The following NRG3 variants were observed in gnomAD, a reference collection of about 807,000 sequenced individuals.
NRG3 encodes pro-neuregulin-3, membrane-bound isoform.
A neutral mutation model predicts 66.9 loss-of-function variants in NRG3; 31 were observed. That is an observed-to-expected ratio of 0.46 (90% CI 0.35 to 0.63). The LOEUF is 0.63. Among genes scored for constraint, NRG3 ranks in the 20% least tolerant of loss-of-function variants. The pLI, the probability that NRG3 is intolerant of heterozygous loss-of-function variation, is 0.00. For synonymous variants in NRG3, 393 were observed against 359.4 expected, an observed-to-expected ratio of 1.09 and a Z score of -1.06; for missense variants, 910 against 878.9, an observed-to-expected ratio of 1.04 and a Z score of -0.45.
intron 2 of NRG3, among the ~76,000 whole-genome samples, chr10:82,413,626 G>T (rs2088296736): frequency 6.6e-6 from 1 of 152,026 alleles, no homozygotes; most frequent in African/African-American, 2.4e-5. Flanking sequence ...TAGCTATGAG[G>T]GTTTTAGATG....
At chr10:82,522,255 G>C (rs558881195) in intron 2 of NRG3, among the ~76,000 whole-genome samples, 23 of 152,080 alleles carry the variant, frequency 1.5e-4, no homozygotes, top group African/African-American at 5.1e-4. Context: ...ATGTTGGCCA[G>C]GCTGGTCTTG....
chr10:82,664,656 C>A (rs1235911429), intron 2 of NRG3, among the ~76,000 whole-genome samples: 2 of 151,826 alleles, frequency 1.3e-5, no homozygotes, highest in Non-Finnish European at 2.9e-5. Context: ...CAGGGGGGTC[C>A]ATGAACTCAT....
chr10:82,917,521 C>A (rs1459343803), intron 4 of NRG3, among the ~76,000 whole-genome samples: 3 of 152,150 alleles, frequency 2.0e-5, no homozygotes, highest in Non-Finnish European at 2.9e-5. Flanking sequence ...GGTGGCACAA[C>A]TGTATAACTG....
intron 3 of NRG3, among the ~76,000 whole-genome samples, chr10:82,749,102 T>G (rs1335869151): frequency 6.6e-6 from 1 of 152,088 alleles, no homozygotes; most frequent in Non-Finnish European, 1.5e-5. Context: ...CTTGAGGGCT[T>G]GGAGAGAGGA....
chr10:82,531,231 C>G (rs985966086), intron 2 of NRG3, among the ~76,000 whole-genome samples: 2 of 151,590 alleles, frequency 1.3e-5, no homozygotes, highest in Non-Finnish European at 3.0e-5. Flanking sequence ...CGAGTCCATA[C>G]AGGTTTACAG....
At chr10:82,827,914 A>G (rs1355708681) in intron 3 of NRG3, among the ~76,000 whole-genome samples, 1 of 152,204 alleles carries the variant, frequency 6.6e-6, no homozygotes, top group Non-Finnish European at 1.5e-5. Context: ...AACCACTGTT[A>G]ATATTTCCAT....
At chr10:82,433,882 T>C (rs2089974271) in intron 2 of NRG3, among the ~76,000 whole-genome samples, 1 of 152,234 alleles carries the variant, frequency 6.6e-6, no homozygotes, top group Non-Finnish European at 1.5e-5. Flanking sequence ...TCAGATAGCA[T>C]GATGCCTCCA....
chr10:82,466,349 G>C (rs941042240), intron 2 of NRG3, among the ~76,000 whole-genome samples: 4 of 152,142 alleles, frequency 2.6e-5, no homozygotes, highest in Non-Finnish European at 5.9e-5. Flanking sequence ...AGTAGGGAGA[G>C]GGGATCTCTG....
rs1351274843 is a variant in NRG3, at chr10:82,725,329, T to G, written c.954-13248T>G. Among the ~76,000 whole-genome samples the G allele has an allele frequency of 3.3e-5, 5 of 152,224 alleles. No individual in the cohort carries two copies. The East Asian group carries it at 9.6e-4, about 29-fold the overall frequency. ...CCTAACATTTATAAACAACATTTCT[T>G]CATTTGATCATCACCTTATTCTTGA... On this transcript the variant is annotated intron_variant, in intron 2 of 8. Coordinates refer to ENST00000372141, the MANE Select transcript of NRG3 (RefSeq NM_001010848.4).
chr10:81,927,851 T>G (rs1023011774), intron 1 of NRG3, among the ~76,000 whole-genome samples: 5 of 152,128 alleles, frequency 3.3e-5, no homozygotes, highest in Non-Finnish European at 7.4e-5. Context: ...CTCTCCTCTC[T>G]TTGGAACTCA....
intron 2 of NRG3, among the ~76,000 whole-genome samples, chr10:82,480,458 GA>G (rs1842179132): frequency 6.6e-6 from 1 of 152,102 alleles, no homozygotes; most frequent in South Asian, 2.1e-4. Context: ...ATGAAAAAAA[GA>G]AACATTATTT....
chr10:81,966,241 A>G (rs977379226), intron 1 of NRG3, among the ~76,000 whole-genome samples: 1 of 150,854 alleles, frequency 6.6e-6, no homozygotes, highest in Non-Finnish European at 1.5e-5. Flanking sequence ...CTACCTTGTC[A>G]TAATATGTTC....
At chr10:82,737,546 A>G (rs555595977) in intron 2 of NRG3, among the ~76,000 whole-genome samples, 146 of 152,232 alleles carry the variant, frequency 9.6e-4, no homozygotes, top group Non-Finnish European at 1.8e-3. Context: ...GATTTTTTTT[A>G]ATGCCAGCAG....
At chr10:82,465,681 G>C (rs924690994) in intron 2 of NRG3, among the ~76,000 whole-genome samples, 7 of 152,244 alleles carry the variant, frequency 4.6e-5, no homozygotes, top group Non-Finnish European at 7.4e-5. Context: ...TGGGCTCTTA[G>C]GGGGTGGGGG....
At chr10:81,911,898 CA>C (rs956313753) in intron 1 of NRG3, among the ~76,000 whole-genome samples, 1 of 151,862 alleles carries the variant, frequency 6.6e-6, no homozygotes, top group African/African-American at 2.4e-5. Flanking sequence ...TGTTTTCTTA[CA>C]AAAAATATTG....
At chr10:82,453,849 G>T (rs924797673) in intron 2 of NRG3, among the ~76,000 whole-genome samples, 3 of 152,094 alleles carry the variant, frequency 2.0e-5, no homozygotes, top group Non-Finnish European at 2.9e-5. Context: ...CTTCTAAAGG[G>T]TTAGCTGCAG....
intron 4 of NRG3, among the ~76,000 whole-genome samples, chr10:82,875,419 G>GT (rs1411926617): frequency 6.6e-6 from 1 of 152,166 alleles, no homozygotes; most frequent in Non-Finnish European, 1.5e-5. Flanking sequence ...GTGCAGTGGT[G>GT]TAATCGTGGC....
At chr10:82,277,113 T>G (rs528184638) in intron 1 of NRG3, among the ~76,000 whole-genome samples, 4 of 152,198 alleles carry the variant, frequency 2.6e-5, no homozygotes, top group Admixed American at 2.0e-4. Flanking sequence ...TCAGGCTGCT[T>G]CTTTCAAATT....
intron 3 of NRG3, among the ~76,000 whole-genome samples, chr10:82,846,706 A>G (rs1032175368): frequency 7.2e-5 from 11 of 152,210 alleles, no homozygotes; most frequent in African/African-American, 2.7e-4. Context: ...ATTGCATATA[A>G]TGGGGTATAA....
Sources: allele counts gnomAD v4.1 joint callset (sites outside exome capture counted in the v4.1 genomes callset), GRCh38; gene constraint gnomAD v4.1.1; transcripts MANE v1.5; gene names NCBI Gene and HGNC (gene_info 2026-07-23, HGNC 2026-07-21).